Variants in ERLEC1 observed in about 807,000 individuals in gnomAD.
The protein encoded by ERLEC1 is ER lectin.
Under a neutral mutation model 68.0 loss-of-function variants are expected in ERLEC1, and 47 were observed. The observed-to-expected ratio is 0.69, with a 90% CI of 0.55 to 0.88. ERLEC1 has a LOEUF of 0.88. Ranked by LOEUF, ERLEC1 falls within the 40% of genes least tolerant of loss-of-function variation. The probability of loss-of-function intolerance (pLI) is 0.00; values close to 1 mark genes in which losing one functional copy is unlikely to be tolerated. For missense variants in ERLEC1, 567 were observed against 583.8 expected (o/e 0.97, Z 0.30); for synonymous variants, 225 against 203.2 (o/e 1.11, Z -0.91).
In ERLEC1 at chr2:53,801,843, G is replaced by A; in HGVS notation, c.879+1G>A. On this transcript the variant is annotated splice_donor_variant, in intron 8 of 13. Transcript: ENST00000185150. LOFTEE classifies it high-confidence loss of function. ...GGTGCCTTTTAGGAGAAATAAAGAG[G>A]TATGAGAATTGTCTAATGATAGCTT... 1 of 1,611,496 alleles carries A rather than the reference G, an allele frequency of 6.2e-7. No homozygotes were observed. The highest frequency in any genetic ancestry group is 8.5e-7 in the Non-Finnish European group (1 of 1,178,918).
chr2:53,814,474 C>T (rs1208892395), intron 11 of ERLEC1, 69 bp from the exon 12 acceptor site: 7 of 1,087,576 alleles, frequency 6.4e-6, no homozygotes, highest in Non-Finnish European at 9.7e-6. Flanking sequence ...ATCTTCTCAC[C>T]CTACCCATTA....
chr2:53,792,654 G>T (rs1229021097), intron 1 of ERLEC1, among the ~76,000 whole-genome samples: 1 of 152,090 alleles, frequency 6.6e-6, no homozygotes, highest in Non-Finnish European at 1.5e-5. Context: ...TTGTCTTAGG[G>T]AAAATGCTGT....
intron 10 of ERLEC1, among the ~76,000 whole-genome samples, chr2:53,811,602 G>A (rs935854816): frequency 5.9e-5 from 9 of 152,032 alleles, no homozygotes; most frequent in Non-Finnish European, 1.2e-4. Context: ...TACTTTACAC[G>A]TATTAATTCT....
chr2:53,793,024 A>T (rs1229827578), intron 1 of ERLEC1, among the ~76,000 whole-genome samples: 1 of 151,438 alleles, frequency 6.6e-6, no homozygotes, highest in Non-Finnish European at 1.5e-5. Context: ...AAAAAAAGTT[A>T]TTGTTAAATT....
In ERLEC1 at chr2:53,787,259, G is replaced by C; in HGVS notation, c.49G>C (p.Val17Leu). The change falls in exon 1 of 14, where the codon GTG (valine) becomes CTG (leucine). Residue 17 changes from valine to leucine, a missense_variant. Transcript: ENST00000185150. The part of the protein sequence containing the change: ...GVRSLVPGGP[V>L]LLVLCGLLEA... The stretch of plus-strand genomic sequence containing the variant: ...ACGGAGTCTGGTCCCGGGCGGGCCG[G>C]TGTTACTGGTCCTCTGCGGCCTCCT... The C allele has an allele frequency of 6.2e-7, 1 of 1,607,902 alleles. No individual in the cohort carries two copies. Among genetic ancestry groups the C allele is most frequent in the East Asian group, 2.2e-5 (1 of 44,858 alleles).
intron 10 of ERLEC1, among the ~76,000 whole-genome samples, chr2:53,810,745 T>G (rs528020099): frequency 1.3e-5 from 2 of 152,340 alleles, no homozygotes; most frequent in African/African-American, 4.8e-5. Context: ...TAGACTAGGA[T>G]GTGTTCGGTT....
intron 5 of ERLEC1, among the ~76,000 whole-genome samples, chr2:53,798,150 G>A (rs1675818059): frequency 1.3e-5 from 2 of 152,106 alleles, no homozygotes; most frequent in Non-Finnish European, 2.9e-5. Context: ...AGCCGAGATG[G>A]CACCACTGCA....
chr2:53,791,766 G>C (rs987196922), intron 1 of ERLEC1, among the ~76,000 whole-genome samples: 1 of 152,036 alleles, frequency 6.6e-6, no homozygotes, highest in Non-Finnish European at 1.5e-5. Context: ...CATTTTGAAA[G>C]GAATTACAAA....
Position 53,791,206 on chromosome 2 carries a change from G to T in ERLEC1, c.163-3139G>T, listed in dbSNP as rs116434618. Reference sequence around the variant, plus strand: ...CCTCTCATGCCAAGATATTTTTTAAGTTCCTTAACTTTTAAAGTACCCCAG... The same window carrying T: ...CCTCTCATGCCAAGATATTTTTTAATTTCCTTAACTTTTAAAGTACCCCAG... On this transcript the variant is annotated intron_variant, in intron 1 of 13. Coordinates refer to ENST00000185150, the MANE Select transcript of ERLEC1 (RefSeq NM_015701.5). 8.7e-3 allele frequency among the ~76,000 whole-genome samples: 1,324 copies of T among 152,260 alleles called. 19 individuals carry two copies. Among genetic ancestry groups the T allele is most frequent in the African/African-American group, 0.03 (1,265 of 41,546 alleles).
At chr2:53,803,219 C>CA (rs1460010289) in intron 8 of ERLEC1, among the ~76,000 whole-genome samples, 1 of 152,164 alleles carries the variant, frequency 6.6e-6, no homozygotes, top group Non-Finnish European at 1.5e-5. Context: ...AGTACTTCTG[C>CA]AAAAATATTA....
At position 53,813,991 on chromosome 2, in the gene ERLEC1, T is replaced by C. The variant is rs367727624; in HGVS notation, c.1227-552T>C. Among the ~76,000 whole-genome samples, 14 of 152,322 alleles carry C rather than the reference T, an allele frequency of 9.2e-5. No homozygotes were observed. In the East Asian group the frequency reaches 1.5e-3, roughly 17 times the overall value. Reference sequence around the variant, plus strand: ...AACAAATTGATTTTTCTTATCCTTGTAGGTATATGTTTTATGTGAAAACAG... The same window carrying C: ...AACAAATTGATTTTTCTTATCCTTGCAGGTATATGTTTTATGTGAAAACAG... On this transcript the variant is annotated intron_variant, in intron 11 of 13. Transcript: ENST00000185150.
At position 53,790,028 on chromosome 2, in the gene ERLEC1, A is replaced by C. The variant is rs568508539; in HGVS notation, c.162+2656A>C. On this transcript the variant is annotated intron_variant, in intron 1 of 13. Coordinates refer to ENST00000185150, the MANE Select transcript of ERLEC1 (RefSeq NM_015701.5). Reference sequence around the variant, plus strand: ...AGGAGTCTGTCTCAAAAAAAAAAAAAAAAGAAAAGAAAAGAAACCACTACT... The same window carrying C: ...AGGAGTCTGTCTCAAAAAAAAAAAACAAAGAAAAGAAAAGAAACCACTACT... 2.7e-5 allele frequency among the ~76,000 whole-genome samples: 4 copies of C among 150,528 alleles called. No individual in the cohort carries two copies. In the East Asian group the frequency reaches 5.8e-4, roughly 22 times the overall value.
intron 5 of ERLEC1, 84 bp from the exon 6 acceptor site, chr2:53,798,963 A>G (rs1001280948): frequency 1.6e-5 from 18 of 1,138,056 alleles, no homozygotes; most frequent in Non-Finnish European, 2.2e-5. Context: ...AAGAAGATTA[A>G]GGTTACAAAG....
intron 13 of ERLEC1, 144 bp downstream of exon 13, chr2:53,815,079 C>T: frequency 1.9e-6 from 1 of 532,466 alleles, no homozygotes; most frequent in Non-Finnish European, 3.2e-6. Context: ...AATCTTGGCT[C>T]ACTGCAACCT....
intron 2 of ERLEC1, 107 bp from the exon 3 acceptor site, chr2:53,795,825 CT>C: frequency 1.4e-6 from 1 of 707,196 alleles, no homozygotes; most frequent in Non-Finnish European, 2.3e-6. Flanking sequence ...TTTTTTTTCT[CT>C]TTTATTTCTA....
At position 53,797,703 on chromosome 2, in the gene ERLEC1, G is replaced by A. The variant is rs374168267; in HGVS notation, c.427-29G>A. On this transcript the variant is annotated intron_variant, in intron 4 of 13. Coordinates refer to ENST00000185150, the MANE Select transcript of ERLEC1 (RefSeq NM_015701.5). ...TAAAAATGTCTTTGCAAAATACTTAGTATATTTTTATTTTACTTTTCAATG... is the reference window on the plus strand; with the variant it reads ...TAAAAATGTCTTTGCAAAATACTTAATATATTTTTATTTTACTTTTCAATG... The A allele has an allele frequency of 6.5e-5, 103 of 1,584,464 alleles. No individual in the cohort carries two copies. In the African/African-American group the frequency reaches 1.3e-3, roughly 21 times the overall value.
chr2:53,810,701 A>T (rs1676546917), intron 10 of ERLEC1, among the ~76,000 whole-genome samples: 1 of 152,190 alleles, frequency 6.6e-6, no homozygotes, highest in Admixed American at 6.5e-5. Context: ...TTCACCTTCC[A>T]CATTTAAATC....
At chr2:53,800,727 T>G (rs1364049595) in intron 6 of ERLEC1, among the ~76,000 whole-genome samples, 1 of 152,154 alleles carries the variant, frequency 6.6e-6, no homozygotes, top group African/African-American at 2.4e-5. Context: ...AACTTCTTAG[T>G]GATCTTTGTC....
intron 10 of ERLEC1, among the ~76,000 whole-genome samples, chr2:53,810,746 G>A (rs1467966206): frequency 6.6e-6 from 1 of 152,168 alleles, no homozygotes; most frequent in Non-Finnish European, 1.5e-5. Flanking sequence ...AGACTAGGAT[G>A]TGTTCGGTTT....
Sources: allele counts gnomAD v4.1 joint callset (sites outside exome capture counted in the v4.1 genomes callset), GRCh38; gene constraint gnomAD v4.1.1; transcripts MANE v1.5; gene names NCBI Gene and HGNC (gene_info 2026-07-23, HGNC 2026-07-21).